Variants in HAPLN1 observed in about 807,000 individuals in gnomAD.
The protein encoded by HAPLN1 is Cartilage link protein.
HAPLN1 carries 13 observed loss-of-function variants against 36.5 expected under a neutral mutation model. The ratio of observed to expected loss-of-function variants is 0.36; its 90% CI spans 0.23 to 0.57. The LOEUF (loss-of-function observed/expected upper bound fraction) is 0.57. HAPLN1 is among the 20% of genes least tolerant of loss of function. The pLI, the probability that HAPLN1 is intolerant of heterozygous loss-of-function variation, is 0.83. For synonymous variants in HAPLN1, 202 were observed against 169.8 expected, an observed-to-expected ratio of 1.19 and a Z score of -1.48; for missense variants, 407 against 439.7, an observed-to-expected ratio of 0.93 and a Z score of 0.66.
rs570368389 is a variant in HAPLN1, at chr5:83,652,401, A to G, written c.472+52T>C. 3.3e-5 allele frequency: 51 copies of G among 1,532,802 alleles called. No homozygotes were observed. In the African/African-American group the frequency reaches 6.7e-4, roughly 20 times the overall value. 95.0% of individuals were successfully genotyped at this position (1,532,802 alleles called of 1,614,324 possible). ...TAGACATTACTCTTCATGAAAAAAA[A>G]AGCAACTATTAATGACCATTTATAC... On this transcript the variant is annotated intron_variant, in intron 3 of 4. Coordinates refer to ENST00000274341, the MANE Select transcript of HAPLN1 (RefSeq NM_001884.4).
At chr5:83,670,384 C>CATAA (rs1258454177) in intron 2 of HAPLN1, among the ~76,000 whole-genome samples, 1 of 152,162 alleles carries the variant, frequency 6.6e-6, no homozygotes, top group African/African-American at 2.4e-5. Flanking sequence ...TATTTGAGAA[C>CATAA]ATAACTATTG....
At chr5:83,697,327 G>T (rs1164234516) in intron 1 of HAPLN1, among the ~76,000 whole-genome samples, 1 of 152,022 alleles carries the variant, frequency 6.6e-6, no homozygotes, top group African/African-American at 2.4e-5. Context: ...CTTTCACTTA[G>T]CGTAATGTTT....
chr5:83,663,273 T>A (rs1355789404), intron 2 of HAPLN1, among the ~76,000 whole-genome samples: 1 of 152,172 alleles, frequency 6.6e-6, no homozygotes, highest in Admixed American at 6.5e-5. Flanking sequence ...AATGCAAAAA[T>A]CTCTTATGTC....
chr5:83,714,107 A>G (rs1020254540), intron 1 of HAPLN1, among the ~76,000 whole-genome samples: 1 of 152,128 alleles, frequency 6.6e-6, no homozygotes, highest in African/African-American at 2.4e-5. Context: ...CCGAAGCCCC[A>G]TGTTCTGCAC....
At chr5:83,677,565 C>T (rs771276473) in intron 1 of HAPLN1, among the ~76,000 whole-genome samples, 7 of 152,126 alleles carry the variant, frequency 4.6e-5, no homozygotes, top group Non-Finnish European at 8.8e-5. Flanking sequence ...CCTATTGTTC[C>T]CTTAGCCTGG....
chr5:83,680,737 A>T (rs1024224454), intron 1 of HAPLN1, among the ~76,000 whole-genome samples: 21 of 152,200 alleles, frequency 1.4e-4, no homozygotes, highest in African/African-American at 5.1e-4. Context: ...AACACTAAAA[A>T]CTAGACAACC....
intron 1 of HAPLN1, among the ~76,000 whole-genome samples, chr5:83,714,746 C>T (rs1751879764): frequency 6.6e-6 from 1 of 152,206 alleles, no homozygotes; most frequent in African/African-American, 2.4e-5. Flanking sequence ...TCCCACTAAA[C>T]CTGGATATTT....
chr5:83,708,865 T>C (rs929166878), intron 1 of HAPLN1, among the ~76,000 whole-genome samples: 2 of 151,986 alleles, frequency 1.3e-5, no homozygotes, highest in Non-Finnish European at 2.9e-5. Flanking sequence ...TTATCTTTTG[T>C]CTTTTCTTTT....
At chr5:83,683,468 G>A (rs1384576952) in intron 1 of HAPLN1, among the ~76,000 whole-genome samples, 1 of 152,208 alleles carries the variant, frequency 6.6e-6, no homozygotes, top group African/African-American at 2.4e-5. Context: ...AGCAATGGTA[G>A]TGCCATGAGC....
chr5:83,702,542 T>C (rs1751532611), intron 1 of HAPLN1, among the ~76,000 whole-genome samples: 1 of 152,020 alleles, frequency 6.6e-6, no homozygotes, highest in African/African-American at 2.4e-5. Context: ...GCTTGAAGGG[T>C]TTGGTCTCTC....
intron 1 of HAPLN1, among the ~76,000 whole-genome samples, chr5:83,683,857 A>C (rs1056339586): frequency 6.6e-6 from 1 of 152,204 alleles, no homozygotes; most frequent in Non-Finnish European, 1.5e-5. Flanking sequence ...CATGGGAAAT[A>C]GAATGTAGAT....
intron 2 of HAPLN1, among the ~76,000 whole-genome samples, chr5:83,664,163 A>G (rs1580133490): frequency 6.6e-6 from 1 of 152,094 alleles, no homozygotes; most frequent in East Asian, 1.9e-4. Flanking sequence ...GTTTGAAAGC[A>G]TCAAGCCTAT....
At chr5:83,656,046 G>T (rs192525596) in intron 2 of HAPLN1, among the ~76,000 whole-genome samples, 3 of 152,188 alleles carry the variant, frequency 2.0e-5, no homozygotes, top group South Asian at 4.1e-4. Flanking sequence ...GTTTGATTGG[G>T]GCTGGGTGCA....
chr5:83,661,846 A>G (rs1561306789), intron 2 of HAPLN1, among the ~76,000 whole-genome samples: 1 of 152,120 alleles, frequency 6.6e-6, no homozygotes. Context: ...AATGGGGACC[A>G]TTTTTACCTA....
At chr5:83,706,578 C>G (rs1751658233) in intron 1 of HAPLN1, among the ~76,000 whole-genome samples, 1 of 152,120 alleles carries the variant, frequency 6.6e-6, no homozygotes, top group South Asian at 2.1e-4. Context: ...AGGGAACATA[C>G]CTCAAAATAG....
intron 1 of HAPLN1, among the ~76,000 whole-genome samples, chr5:83,710,248 A>G (rs1232028541): frequency 6.6e-6 from 1 of 152,172 alleles, no homozygotes; most frequent in African/African-American, 2.4e-5. Flanking sequence ...CCATTGAAAT[A>G]CAAACAGCCA....
In HAPLN1 at chr5:83,640,320, A is replaced by G. The variant is rs2112545546; in HGVS notation, c.*1176T>C. On this transcript the variant is annotated 3_prime_UTR_variant, in exon 5 of 5. Transcript: ENST00000274341. ...TAAACTCTTTGATGACAGCTTCAGC[A>G]TTTAATTTAAGCCTAATGATGACCA... The G allele has an allele frequency of 6.6e-6, 1 of 152,278 alleles. No homozygotes were observed. The highest frequency in any genetic ancestry group is 2.1e-4 in the South Asian group (1 of 4,824). 9.4% of individuals were successfully genotyped at this position (152,278 alleles called of 1,614,324 possible).
In HAPLN1 at chr5:83,652,621, TG is replaced by T. The variant is rs1489302348; in HGVS notation, c.303del (p.His101GlnfsTer14). On this transcript the variant is annotated frameshift_variant, in exon 3 of 5. Coordinates refer to ENST00000274341, the MANE Select transcript of HAPLN1 (RefSeq NM_001884.4). LOFTEE classifies it high-confidence loss of function. Reference protein sequence around the residue: ...EVDVFVSMGYHKKTYGGYQGR... With the variant: ...EVDVFVSMGYXKKTYGGYQGR... The stretch of plus-strand genomic sequence containing the variant: ...CCCTGGTAGCCTCCATAGGTTTTTT[TG>T]TGGTATCCCATGGAAACAAAAACAT... 1 of 1,614,048 alleles carries T rather than the reference TG, an allele frequency of 6.2e-7. No homozygotes were observed. The highest frequency in any genetic ancestry group is 1.3e-5 in the African/African-American group (1 of 74,936).
chr5:83,673,583 G>T, intron 1 of HAPLN1, 34 bp from the exon 2 acceptor site: 1 of 1,250,234 alleles, frequency 8.0e-7, no homozygotes, highest in Non-Finnish European at 1.2e-6. Flanking sequence ...AGGCTTGTGA[G>T]ATTTGGAACC....
Sources: allele counts gnomAD v4.1 joint callset (sites outside exome capture counted in the v4.1 genomes callset), GRCh38; gene constraint gnomAD v4.1.1; transcripts MANE v1.5; gene names NCBI Gene and HGNC (gene_info 2026-07-23, HGNC 2026-07-21).